The following VPS41 variants were observed in gnomAD, a reference collection of about 807,000 sequenced individuals.
VPS41 encodes the protein VPS41 subunit of HOPS complex.
Under a neutral mutation model 130.9 loss-of-function variants are expected in VPS41, and 85 were observed. The ratio of observed to expected loss-of-function variants is 0.65; its 90% confidence interval spans 0.55 to 0.78. VPS41 has a LOEUF of 0.78. Among genes scored for constraint, VPS41 ranks in the 30% least tolerant of loss-of-function variants. VPS41 has a pLI of 0.00. For synonymous variants in VPS41, 335 were observed against 332.9 expected, an observed-to-expected ratio of 1.01 and a Z score of -0.07; for missense variants, 874 against 1,018.7, an observed-to-expected ratio of 0.86 and a Z score of 1.93.
At chr7:38,877,600 G>A (rs552080776) in intron 2 of VPS41, among the ~76,000 whole-genome samples, 4 of 152,128 alleles carry the variant, frequency 2.6e-5, no homozygotes, top group African/African-American at 9.6e-5. Flanking sequence ...AATGCCTCTC[G>A]AGCATTTCCA....
At chr7:38,763,425 A>G in intron 17 of VPS41, 30 bp downstream of exon 17, 1 of 1,460,598 alleles carries the variant, frequency 6.8e-7, no homozygotes, top group Non-Finnish European at 9.3e-7. Flanking sequence ...ATCGAGAACA[A>G]GTAAATATGA....
chr7:38,831,421 G>C (rs1009352450), intron 4 of VPS41: 3 of 333,354 alleles, frequency 9.0e-6, no homozygotes, highest in Admixed American at 8.3e-5. Context: ...ACTAGTACTG[G>C]AAAGCATACA....
At chr7:38,765,787 G>C in intron 15 of VPS41, 126 bp from the exon 16 acceptor site, 1 of 602,200 alleles carries the variant, frequency 1.7e-6, no homozygotes, top group South Asian at 2.4e-5. Context: ...GAGTTTTGAT[G>C]AATTTCTATC....
At chr7:38,772,193 A>G (rs1784167012) in intron 13 of VPS41, among the ~76,000 whole-genome samples, 1 of 152,204 alleles carries the variant, frequency 6.6e-6, no homozygotes, top group Non-Finnish European at 1.5e-5. Flanking sequence ...AAACGATTTC[A>G]TTAAATCTAA....
rs1795540236 is a variant in VPS41 at position 38,726,255 on chromosome 7, C to T, written c.2556G>A (p.Met852Ile). The change falls in exon 29 of 29, where the codon ATG becomes ATA. Residue 852 changes from methionine to isoleucine, a missense_variant. Coordinates refer to ENST00000310301, the MANE Select transcript of VPS41 (RefSeq NM_014396.4). ...GACAAGGAGAAATGAGCTATTTTTT[C>T]ATCTCCAAAATTGCACTTCCTGGTC... ...NRGPGSAILE[M>I]KK is the part of the protein sequence containing the mutation. The T allele has an allele frequency of 6.2e-7, 1 of 1,608,214 alleles. No homozygotes were observed. Among genetic ancestry groups the T allele is most frequent in the African/African-American group, 1.3e-5 (1 of 74,974 alleles).
chr7:38,761,774 G>A (rs1783926923), intron 17 of VPS41, among the ~76,000 whole-genome samples: 1 of 151,820 alleles, frequency 6.6e-6, no homozygotes, highest in African/African-American at 2.4e-5. Context: ...GTTTTTTATA[G>A]ACAGGTCTCA....
chr7:38,884,467 C>A (rs1786677830), intron 2 of VPS41, among the ~76,000 whole-genome samples: 1 of 152,166 alleles, frequency 6.6e-6, no homozygotes, highest in Admixed American at 6.5e-5. Context: ...AGGAGGCATG[C>A]TTATTTAATA....
intron 25 of VPS41, among the ~76,000 whole-genome samples, chr7:38,733,841 G>A (rs1235141159): frequency 6.6e-6 from 1 of 152,164 alleles, no homozygotes; most frequent in East Asian, 1.9e-4. Flanking sequence ...CACTTTGAGA[G>A]GCTGTGATAG....
At chr7:38,775,188 C>T (rs1451393949) in intron 11 of VPS41, 1 of 152,096 alleles carries the variant, frequency 6.6e-6, no homozygotes, top group African/African-American at 2.4e-5. Flanking sequence ...AGGGAGCTTA[C>T]CTCTTTGTTC....
chr7:38,830,134 C>A, intron 5 of VPS41, 120 bp downstream of exon 5: 1 of 719,654 alleles, frequency 1.4e-6, no homozygotes, highest in South Asian at 1.7e-5. Flanking sequence ...GAAGCAAGTT[C>A]AATACTCAGA....
At chr7:38,868,196 T>G (rs1382527509) in intron 3 of VPS41, among the ~76,000 whole-genome samples, 2 of 151,752 alleles carry the variant, frequency 1.3e-5, no homozygotes, top group East Asian at 3.9e-4. Context: ...ATTCAATGAG[T>G]GAAGAAAAGG....
chr7:38,745,624 AGCAGGGTAAAAATGTTACTATAG>A lies in VPS41; in HGVS notation c.1927-34_1927-12del. 6.3e-7 allele frequency: 1 copy of A among 1,599,256 alleles called. No homozygotes were observed. The highest frequency in any genetic ancestry group is 1.7e-4 in the Middle Eastern group (1 of 5,788). ...ACAGATCTCAAGAGCCTTCAATTAA[AGCAGGGTAAAAATGTTACTATAG>A]GCGACCAAATAAGAACAAACAGTAA... On this transcript the variant is annotated splice_polypyrimidine_tract_variant and intron_variant, in intron 22 of 28. Transcript: ENST00000310301.
At chr7:38,845,171 G>A (rs1329824275) in intron 4 of VPS41, among the ~76,000 whole-genome samples, 2 of 152,160 alleles carry the variant, frequency 1.3e-5, no homozygotes, top group African/African-American at 4.8e-5. Context: ...AATGGTAGAA[G>A]CCTGGCTCGC....
intron 1 of VPS41, among the ~76,000 whole-genome samples, chr7:38,907,906 A>G (rs1238943043): frequency 1.3e-5 from 2 of 152,228 alleles, no homozygotes; most frequent in African/African-American, 4.8e-5. Context: ...TCATGAAATG[A>G]TATGTTCTTA....
chr7:38,727,041 T>C, intron 27 of VPS41, 53 bp from the exon 28 acceptor site: 1 of 1,427,092 alleles, frequency 7.0e-7, no homozygotes, highest in Non-Finnish European at 9.3e-7. Flanking sequence ...AGCAAGATCA[T>C]TTTAAACCAA....
intron 16 of VPS41, among the ~76,000 whole-genome samples, chr7:38,764,961 G>A (rs1359899814): frequency 6.6e-6 from 1 of 152,096 alleles, no homozygotes; most frequent in Non-Finnish European, 1.5e-5. Context: ...CATTTACAGG[G>A]CAGACAGGAG....
rs751943362 is a variant in VPS41, at chr7:38,743,395, T to C, written c.2122+7A>G. 1.2e-6 allele frequency: 2 copies of C among 1,613,804 alleles called. No homozygotes were observed. Among genetic ancestry groups the C allele is most frequent in the Non-Finnish European group, 8.5e-7 (1 of 1,179,758 alleles). Reference sequence around the variant, plus strand: ...AAGTTATAACCAGAGATGGCTTTTATGCTTACGTGGTTTGTCAATGGAATA... The same window carrying C: ...AAGTTATAACCAGAGATGGCTTTTACGCTTACGTGGTTTGTCAATGGAATA... On this transcript the variant is annotated splice_region_variant and intron_variant, in intron 24 of 28. Transcript: ENST00000310301.
intron 2 of VPS41, among the ~76,000 whole-genome samples, chr7:38,872,393 G>C (rs1265755153): frequency 1.3e-5 from 2 of 152,238 alleles, no homozygotes; most frequent in Admixed American, 1.3e-4. Flanking sequence ...TCATGATTCA[G>C]TGTGGGAGGT....
intron 22 of VPS41, 79 bp downstream of exon 22, chr7:38,752,097 A>G: frequency 6.3e-7 from 1 of 1,577,126 alleles, no homozygotes; most frequent in Non-Finnish European, 8.7e-7. Context: ...AGAGATAGAA[A>G]GAGAAGAAAG....
Sources: gnomAD v4.1 joint callset for allele counts (sites outside exome capture counted in the v4.1 genomes callset) on GRCh38, gnomAD v4.1.1 for gene constraint, MANE v1.5 for transcripts, NCBI Gene and HGNC (gene_info 2026-07-23, HGNC 2026-07-21) for gene names.